TDRD5: variants seen among roughly 807,000 people sequenced by gnomAD.
TDRD5 encodes the protein tudor domain-containing protein 5.
In TDRD5, 41 loss-of-function variants were observed where a neutral mutation model predicts 120.6. The observed-to-expected ratio is 0.34, with a 90% CI of 0.26 to 0.44. The LOEUF (loss-of-function observed/expected upper bound fraction) is 0.44. Ranked by LOEUF, TDRD5 falls within the 20% of genes least tolerant of loss-of-function variation. TDRD5 has a pLI of 1.00. For synonymous variants in TDRD5, 430 were observed against 433.7 expected, an observed-to-expected ratio of 0.99 and a Z score of 0.11; for missense variants, 1,006 against 1,221.2, an observed-to-expected ratio of 0.82 and a Z score of 2.63.
In TDRD5 at chr1:179,657,700, G is replaced by T. The variant is rs72706761; in HGVS notation, c.2322+3338G>T. ...TTGTATTTCCTTTTTATTTATTTTT[G>T]TTGTTTGTGTGGATCTTTATTTTCT... On this transcript the variant is annotated intron_variant, in intron 14 of 17. Transcript: ENST00000444136. Among the ~76,000 whole-genome samples the T allele has an allele frequency of 9.6e-3, 1,465 of 151,930 alleles. 5 individuals carry two copies. The highest frequency in any genetic ancestry group is 0.037 in the Middle Eastern group (11 of 294).
In TDRD5 at chr1:179,663,386, T is replaced by C. The variant is rs781499055; in HGVS notation, c.2544T>C (p.Asp848=). Residue 848 remains aspartate (D), a synonymous_variant, in exon 16 of 18, where the codon GAT becomes GAC. Transcript: ENST00000444136. The stretch of plus-strand genomic sequence containing the variant: ...CTACCCCTAAAGATACATGGGATGA[T>C]TCTTGGCAGCCTTCAGGCCTTGTAA... ...CFSTPKDTWD[D]SWQPSGLVNG... 4.3e-6 allele frequency: 7 copies of C among 1,613,670 alleles called. No individual in the cohort carries two copies. The highest frequency in any genetic ancestry group is 5.9e-6 in the Non-Finnish European group (7 of 1,179,892).
At chr1:179,673,324 T>C (rs146925794) in intron 17 of TDRD5, among the ~76,000 whole-genome samples, 398 of 152,330 alleles carry the variant, frequency 2.6e-3, no homozygotes, top group Non-Finnish European at 4.2e-3. Context: ...CTTGGTTAGC[T>C]ATATTCCTAA....
chr1:179,681,612 C>T (rs929075665), intron 17 of TDRD5, among the ~76,000 whole-genome samples: 12 of 152,026 alleles, frequency 7.9e-5, no homozygotes, highest in South Asian at 2.1e-4. Flanking sequence ...TTTTCAGCTT[C>T]GTAGGCCATA....
intron 9 of TDRD5, 79 bp downstream of exon 9, chr1:179,635,966 C>T (rs1677746229): frequency 7.4e-7 from 1 of 1,343,700 alleles, no homozygotes; most frequent in Non-Finnish European, 9.9e-7. Flanking sequence ...TTTCAGGACT[C>T]TTAAAAATTA....
intron 4 of TDRD5, among the ~76,000 whole-genome samples, chr1:179,603,086 C>A (rs1020503342): frequency 5.9e-5 from 9 of 152,030 alleles, no homozygotes; most frequent in African/African-American, 2.2e-4. Flanking sequence ...TTGTAGAGGT[C>A]TTTTGCCTCC....
intron 4 of TDRD5, among the ~76,000 whole-genome samples, chr1:179,603,134 C>T (rs1475664124): frequency 6.6e-6 from 1 of 151,936 alleles, no homozygotes; most frequent in East Asian, 1.9e-4. Flanking sequence ...GTTATTTTTG[C>T]AGCTATTGTG....
intron 6 of TDRD5, among the ~76,000 whole-genome samples, chr1:179,629,147 G>A (rs964383881): frequency 4.6e-5 from 7 of 152,088 alleles, no homozygotes; most frequent in Admixed American, 6.6e-5. Context: ...TCATCTGCTT[G>A]TTTCTCTTGG....
chr1:179,619,559 C>T (rs1676736180), intron 5 of TDRD5, among the ~76,000 whole-genome samples: 1 of 151,776 alleles, frequency 6.6e-6, no homozygotes, highest in African/African-American at 2.4e-5. Flanking sequence ...CATTCAGGCC[C>T]TGTTTTTTTG....
intron 11 of TDRD5, among the ~76,000 whole-genome samples, chr1:179,645,374 C>T (rs990969971): frequency 3.9e-5 from 6 of 151,996 alleles, no homozygotes; most frequent in Admixed American, 2.0e-4. Context: ...CGTGAGCCAC[C>T]GCGCCCGGCC....
Position 179,630,910 on chromosome 1 carries a change from T to A in TDRD5, c.1116T>A (p.Pro372=), listed in dbSNP as rs1473981852. Residue 372 remains proline (P), a synonymous_variant, in exon 7 of 18, where the codon CCT becomes CCA. Transcript: ENST00000444136. ...TAGTGTTTGATGCGGATAAGAAGCC[T>A]CTACCACCTGGTGAGTGGAACCACA... ...DLLVFDADKK[P]LPPVQSDKKI... The A allele has an allele frequency of 6.2e-7, 1 of 1,612,650 alleles. No individual in the cohort carries two copies. The highest frequency in any genetic ancestry group is 1.7e-5 in the Admixed American group (1 of 59,782).
intron 7 of TDRD5, among the ~76,000 whole-genome samples, chr1:179,634,189 A>G (rs1677629332): frequency 6.6e-6 from 1 of 151,948 alleles, no homozygotes; most frequent in African/African-American, 2.4e-5. Flanking sequence ...AAAAAACAAA[A>G]AAAAGAAACC....
At chr1:179,677,919 G>T (rs1301258626) in intron 17 of TDRD5, among the ~76,000 whole-genome samples, 1 of 152,188 alleles carries the variant, frequency 6.6e-6, no homozygotes, top group Non-Finnish European at 1.5e-5. Context: ...ACCTGGTTAA[G>T]TACTCAGGTT....
chr1:179,637,508 A>G (rs955556203), intron 9 of TDRD5, among the ~76,000 whole-genome samples: 2 of 152,172 alleles, frequency 1.3e-5, no homozygotes, highest in African/African-American at 2.4e-5. Flanking sequence ...GCACTTTGGG[A>G]AGCCAAGGTG....
intron 17 of TDRD5, among the ~76,000 whole-genome samples, chr1:179,669,685 C>T (rs1261780144): frequency 2.0e-5 from 3 of 151,746 alleles, no homozygotes; most frequent in African/African-American, 4.9e-5. Context: ...CTTTGAGTTT[C>T]GACAAATTGA....
intron 8 of TDRD5, 86 bp from the exon 9 acceptor site, chr1:179,635,581 T>C: frequency 8.4e-7 from 1 of 1,189,066 alleles, no homozygotes; most frequent in African/African-American, 1.5e-5. Flanking sequence ...CTGATAAAGG[T>C]GATTCATGAA....
At chr1:179,643,342 A>G (rs1048290225) in intron 11 of TDRD5, among the ~76,000 whole-genome samples, 10 of 152,190 alleles carry the variant, frequency 6.6e-5, no homozygotes, top group African/African-American at 2.4e-4. Context: ...AAAAACAGGA[A>G]AATGTGACAT....
chr1:179,635,692 T>C lies in TDRD5; in HGVS notation c.1325T>C (p.Leu442Pro), dbSNP rs1677725575. ...QLQVETNKSE[L>P]NLAMANHDIP... ...CAAGTAGAAACAAACAAATCAGAGC[T>C]CAACTTGGCAATGGCAAATCATGAC... Residue 442 changes from leucine to proline, a missense_variant, in exon 9 of 18, where the codon CTC becomes CCC. Coordinates refer to ENST00000444136, the MANE Select transcript of TDRD5 (RefSeq NM_001199085.3). 2.5e-6 allele frequency: 4 copies of C among 1,613,796 alleles called. No individual in the cohort carries two copies. Among genetic ancestry groups the C allele is most frequent in the Non-Finnish European group, 3.4e-6 (4 of 1,179,984 alleles).
chr1:179,629,657 G>C (rs990823571), intron 6 of TDRD5, among the ~76,000 whole-genome samples: 1 of 152,090 alleles, frequency 6.6e-6, no homozygotes, highest in African/African-American at 2.4e-5. Context: ...ACTGAAGGCA[G>C]CTTTGGGAGA....
chr1:179,659,550 CGTGT>C (rs71569263), intron 14 of TDRD5, among the ~76,000 whole-genome samples: 26,015 of 129,610 alleles, frequency 0.2, 2,786 homozygotes, highest in Non-Finnish European at 0.26. Flanking sequence ...TTCCAGTTTT[CGTGT>C]GTGTGTGTGT....
Sources: gnomAD v4.1 joint callset for allele counts (sites outside exome capture counted in the v4.1 genomes callset) on GRCh38, gnomAD v4.1.1 for gene constraint, MANE v1.5 for transcripts, NCBI Gene and HGNC (gene_info 2026-07-23, HGNC 2026-07-21) for gene names.